The following TOPBP1 variants were observed in gnomAD, a reference collection of about 807,000 sequenced individuals.
TOPBP1 encodes DNA topoisomerase II binding protein 1.
A neutral mutation model predicts 167.7 loss-of-function variants in TOPBP1; 28 were observed. The observed-to-expected ratio is 0.17, with a 90% CI of 0.12 to 0.23. The LOEUF (loss-of-function observed/expected upper bound fraction) is 0.23. Among genes scored for constraint, TOPBP1 ranks in the 10% least tolerant of loss-of-function variants. The probability of loss-of-function intolerance (pLI) is 1.00; values close to 1 mark genes in which losing one functional copy is unlikely to be tolerated. For missense variants in TOPBP1, 1,554 were observed against 1,809.6 expected, an observed-to-expected ratio of 0.86 and a Z score of 2.56; for synonymous variants, 598 against 611.4, an observed-to-expected ratio of 0.98 and a Z score of 0.32.
chr3:133,651,257 G>A (rs1383691910), intron 8 of TOPBP1, among the ~76,000 whole-genome samples: 1 of 143,944 alleles, frequency 6.9e-6, no homozygotes, highest in Non-Finnish European at 1.5e-5. Context: ...CGCAATCTCG[G>A]CTCACTGTAA....
At chr3:133,604,211 T>G (rs1245114141) in intron 27 of TOPBP1, among the ~76,000 whole-genome samples, 1 of 151,828 alleles carries the variant, frequency 6.6e-6, no homozygotes, top group Non-Finnish European at 1.5e-5. Flanking sequence ...CTCGTCTCAC[T>G]GCAACCTCTG....
chr3:133,652,507 C>T lies in TOPBP1; in HGVS notation c.1045G>A (p.Val349Ile), dbSNP rs764403279. The change falls in exon 8 of 28, where the codon GTC becomes ATC. Residue 349 changes from valine to isoleucine, a missense_variant. Transcript: ENST00000260810. ...TCTTCAGGTGCTTGAAATGCACTGACATCCAGATTTTCTAGATTTTCAAGT... is the reference window on the plus strand; with the variant it reads ...TCTTCAGGTGCTTGAAATGCACTGATATCCAGATTTTCTAGATTTTCAAGT... ...PTLENLENLD[V>I]SAFQAPEDLL... The T allele has an allele frequency of 6.2e-7, 1 of 1,611,952 alleles. No homozygotes were observed. The highest frequency in any genetic ancestry group is 1.1e-5 in the South Asian group (1 of 90,966).
intron 5 of TOPBP1, 42 bp downstream of exon 5, chr3:133,656,634 T>C: frequency 6.5e-7 from 1 of 1,532,748 alleles, no homozygotes; most frequent in Non-Finnish European, 8.8e-7. Context: ...ATTGAATGCA[T>C]CATTTTTTCA....
At chr3:133,623,758 T>C (rs1421652462) in intron 17 of TOPBP1, among the ~76,000 whole-genome samples, 2 of 152,210 alleles carry the variant, frequency 1.3e-5, no homozygotes, top group South Asian at 2.1e-4. Context: ...CTAAACTCTA[T>C]TGATATGTTA....
chr3:133,603,595 T>TA (rs1175525348), intron 27 of TOPBP1, among the ~76,000 whole-genome samples: 1 of 151,910 alleles, frequency 6.6e-6, no homozygotes, highest in African/African-American at 2.4e-5. Context: ...CAAGGCGGAG[T>TA]AAGCCCAGAG....
chr3:133,636,277 G>GT (rs1024669735), intron 14 of TOPBP1, among the ~76,000 whole-genome samples: 3 of 152,012 alleles, frequency 2.0e-5, no homozygotes, highest in African/African-American at 4.8e-5. Flanking sequence ...TAAGTGGTGA[G>GT]TTTTTTTGAG....
chr3:133,657,909 G>A lies in TOPBP1; in HGVS notation c.252C>T (p.Val84=). ...ATCGCTGGTGGTGCATACAAAATAT[G>A]ACTACTTGAGGACCAACAATTCTGC... The part of the protein sequence containing the change: ...LGCRIVGPQV[V]IFCMHHQRCV... The change falls in exon 4 of 28, where the codon GTC becomes GTT. Residue 84 remains valine, a synonymous_variant. Transcript: ENST00000260810. 1 of 1,589,136 alleles carries A rather than the reference G, an allele frequency of 6.3e-7. No homozygotes were observed. Among genetic ancestry groups the A allele is most frequent in the Non-Finnish European group, 8.5e-7 (1 of 1,171,596 alleles).
At chr3:133,650,520 T>C (rs62282425) in intron 8 of TOPBP1, among the ~76,000 whole-genome samples, 21,838 of 152,134 alleles carry the variant, frequency 0.14, 1,886 homozygotes, top group Non-Finnish European at 0.2. Context: ...GTCAAAGAAC[T>C]GAACACAATG....
intron 25 of TOPBP1, 45 bp from the exon 26 acceptor site, chr3:133,609,007 C>G (rs11928735): frequency 1.4e-6 from 2 of 1,413,526 alleles, no homozygotes; most frequent in Admixed American, 4.1e-5. Context: ...TGGAAAATAA[C>G]AAAATAATAC....
chr3:133,647,662 C>T (rs1936125433), intron 10 of TOPBP1, among the ~76,000 whole-genome samples: 1 of 151,928 alleles, frequency 6.6e-6, no homozygotes, highest in African/African-American at 2.4e-5. Flanking sequence ...TAGTAGCACC[C>T]CATCTCTATT....
rs1934726203 is a variant in TOPBP1, at chr3:133,612,835, C to CT, written c.3872-284dup. On this transcript the variant is annotated intron_variant, in intron 23 of 27. Coordinates refer to ENST00000260810, the MANE Select transcript of TOPBP1 (RefSeq NM_007027.4). The stretch of plus-strand genomic sequence containing the variant: ...TCTAAAATTATCCAAATTCTGCCAC[C>CT]TTTTTTTGCTTAACTACTTAATTTT... Among the ~76,000 whole-genome samples, 4 of 151,884 alleles carry CT rather than the reference C, an allele frequency of 2.6e-5. No individual in the cohort carries two copies. In the South Asian group the frequency reaches 6.2e-4, roughly 24 times the overall value.
intron 5 of TOPBP1, among the ~76,000 whole-genome samples, chr3:133,655,811 TG>T: frequency 6.6e-6 from 1 of 152,326 alleles, no homozygotes; most frequent in Non-Finnish European, 1.5e-5. Context: ...AAAGGTAATT[TG>T]GTTGCCTATT....
At chr3:133,612,916 G>A (rs1270740041) in intron 23 of TOPBP1, among the ~76,000 whole-genome samples, 1 of 152,076 alleles carries the variant, frequency 6.6e-6, no homozygotes. Flanking sequence ...CACCCAGACT[G>A]GAGTGCAGTG....
At chr3:133,645,867 G>A (rs1415457661) in intron 10 of TOPBP1, among the ~76,000 whole-genome samples, 2 of 152,106 alleles carry the variant, frequency 1.3e-5, no homozygotes, top group African/African-American at 4.8e-5. Flanking sequence ...GCTCCCCTAG[G>A]GCCGGGCGCG....
At chr3:133,651,223 G>T (rs897875158) in intron 8 of TOPBP1, among the ~76,000 whole-genome samples, 23 of 69,840 alleles carry the variant, frequency 3.3e-4, no homozygotes, top group African/African-American at 9.2e-4. Context: ...TTTCACTCTT[G>T]TTGACCAGGC....
intron 9 of TOPBP1, 45 bp from the exon 10 acceptor site, chr3:133,649,678 A>G: frequency 3.7e-6 from 6 of 1,600,766 alleles, no homozygotes; most frequent in Non-Finnish European, 5.1e-6. Flanking sequence ...AGCTATAAAG[A>G]CCATCATCCC....
chr3:133,611,113 GA>G lies in TOPBP1; in HGVS notation c.4063del (p.Ser1355ProfsTer6). 6.2e-7 allele frequency: 1 copy of G among 1,612,578 alleles called. No individual in the cohort carries two copies. Among genetic ancestry groups the G allele is most frequent in the Non-Finnish European group, 8.5e-7 (1 of 1,179,138 alleles). On this transcript the variant is annotated frameshift_variant, in exon 25 of 28. Coordinates refer to ENST00000260810, the MANE Select transcript of TOPBP1 (RefSeq NM_007027.4). LOFTEE classifies it high-confidence loss of function. ...QEEDYEWGSS[S>X]ILDVLTGINV... ...GATTCCAGTCAGAACATCAAGTATG[GA>G]ACTACTTCCCCATTCATAGTCTTCT... is the stretch of plus-strand genomic sequence containing the variant.
chr3:133,639,866 A>T, intron 13 of TOPBP1, 93 bp downstream of exon 13: 2 of 1,313,192 alleles, frequency 1.5e-6, no homozygotes, highest in South Asian at 2.8e-5. Context: ...GCAAAAATCA[A>T]TGACCCTTCC....
In TOPBP1 at chr3:133,616,843, A is replaced by G. The variant is rs771848427; in HGVS notation, c.3842T>C (p.Ile1281Thr). ...QLSSLNPQER[I>T]DYCHLIEKLG... is the part of the protein sequence containing the mutation. Reference sequence around the variant, plus strand: ...TTTCTCAATCAGATGACAATAGTCAATACGTTCTTGAGGATTCAGAGATGA... The same window carrying G: ...TTTCTCAATCAGATGACAATAGTCAGTACGTTCTTGAGGATTCAGAGATGA... Residue 1281 changes from isoleucine (I) to threonine (T), a missense_variant, in exon 23 of 28, where the codon ATT (isoleucine) becomes ACT (threonine). Physicochemically the swap from Ile to Thr is moderately conservative, Grantham distance 89. Around this residue, in one of 3 missense-constraint regions of TOPBP1, gnomAD observed 351 missense variants for 432.9 expected, o/e 0.81. Coordinates refer to ENST00000260810, the MANE Select transcript of TOPBP1 (RefSeq NM_007027.4). The G allele has an allele frequency of 1.3e-6, 2 of 1,550,456 alleles. No homozygotes were observed. The highest frequency in any genetic ancestry group is 1.7e-6 in the Non-Finnish European group (2 of 1,151,402).
Sources: allele counts gnomAD v4.1 joint callset (sites outside exome capture counted in the v4.1 genomes callset), GRCh38; gene constraint gnomAD v4.1.1; regional missense constraint gnomAD v4.1.1; transcripts MANE v1.5; gene names NCBI Gene and HGNC (gene_info 2026-07-23, HGNC 2026-07-21).